NKAIN2: variants seen among roughly 807,000 people sequenced by gnomAD.
NKAIN2 encodes the protein sodium/potassium transporting ATPase interacting 2.
NKAIN2 carries 14 observed loss-of-function variants against 32.6 expected under a neutral mutation model. The ratio of observed to expected loss-of-function variants is 0.43; its 90% confidence interval spans 0.28 to 0.67. The LOEUF is 0.67. Among genes scored for constraint, NKAIN2 ranks in the 30% least tolerant of loss-of-function variants. NKAIN2 has a pLI of 0.17. For synonymous variants in NKAIN2, 80 were observed against 87.2 expected (o/e 0.92, Z 0.46); for missense variants, 198 against 258.3 (o/e 0.77, Z 1.60).
Position 124,200,725 on chromosome 6 carries a change from T to G in NKAIN2, c.55-82280T>G, listed in dbSNP as rs376930825. ...CCAATTATTTGAGTGCACTGTACTT[T>G]GAAGTTCATAATCATTACCTTCTTT... On this transcript the variant is annotated intron_variant, in intron 1 of 6. Coordinates refer to ENST00000368417, the MANE Select transcript of NKAIN2 (RefSeq NM_001040214.3). Among the ~76,000 whole-genome samples the G allele has an allele frequency of 9.9e-5, 15 of 152,240 alleles. 1 individual carries two copies. In the South Asian group the frequency reaches 2.7e-3, roughly 27 times the overall value.
intron 3 of NKAIN2, among the ~76,000 whole-genome samples, chr6:124,399,597 T>G (rs1029654994): frequency 1.3e-5 from 2 of 152,046 alleles, no homozygotes; most frequent in Non-Finnish European, 1.5e-5. Context: ...TGGCGGTGAG[T>G]CAGGCAGGCA....
At chr6:124,377,163 ATT>A (rs1389565040) in intron 3 of NKAIN2, among the ~76,000 whole-genome samples, 3 of 152,232 alleles carry the variant, frequency 2.0e-5, no homozygotes, top group Non-Finnish European at 4.4e-5. Flanking sequence ...ATATCAGTGC[ATT>A]CTTTGACATT....
intron 4 of NKAIN2, among the ~76,000 whole-genome samples, chr6:124,679,137 G>A (rs1404251195): frequency 2.0e-5 from 3 of 151,906 alleles, no homozygotes; most frequent in African/African-American, 7.3e-5. Flanking sequence ...CCAGTCCCTG[G>A]ACAGCCCACC....
At chr6:124,408,138 C>T (rs868740309) in intron 3 of NKAIN2, among the ~76,000 whole-genome samples, 69 of 152,048 alleles carry the variant, frequency 4.5e-4, no homozygotes, top group African/African-American at 6.8e-4. Context: ...TTCTCCCATT[C>T]TGTAGGTTGC....
At chr6:124,480,320 T>G (rs759475495) in intron 3 of NKAIN2, among the ~76,000 whole-genome samples, 2 of 152,178 alleles carry the variant, frequency 1.3e-5, no homozygotes, top group Admixed American at 1.3e-4. Context: ...GTGAAAAAAC[T>G]CTGAAGAAAT....
chr6:124,730,523 C>T (rs1206390018), intron 4 of NKAIN2, among the ~76,000 whole-genome samples: 1 of 124,474 alleles, frequency 8.0e-6, no homozygotes, highest in Non-Finnish European at 1.7e-5. Context: ...AAAGCTGAAA[C>T]TGGATCCCTT....
Position 124,586,128 on chromosome 6 carries a change from A to G in NKAIN2, c.274-72058A>G, listed in dbSNP as rs73571421. ...ATCTCTTTGTCAAATTCCTTCTTCC[A>G]TCATAGCCCCTGGAAACTATGGATC... On this transcript the variant is annotated intron_variant, in intron 3 of 6. Coordinates refer to ENST00000368417, the MANE Select transcript of NKAIN2 (RefSeq NM_001040214.3). Among the ~76,000 whole-genome samples the G allele has an allele frequency of 6.2e-3, 946 of 152,298 alleles. 10 individuals carry two copies. Among genetic ancestry groups the G allele is most frequent in the African/African-American group, 0.022 (900 of 41,546 alleles).
intron 4 of NKAIN2, among the ~76,000 whole-genome samples, chr6:124,668,026 G>A (rs898827850): frequency 6.6e-6 from 1 of 152,040 alleles, no homozygotes; most frequent in East Asian, 1.9e-4. Context: ...TCATGGCACT[G>A]TGGCTGCTTC....
chr6:124,712,207 A>G (rs1583699281), intron 4 of NKAIN2, among the ~76,000 whole-genome samples: 2 of 150,044 alleles, frequency 1.3e-5, no homozygotes, highest in African/African-American at 4.9e-5. Context: ...TGGGAGAACC[A>G]CTGCTCTCTT....
chr6:124,237,421 A>G (rs1437805024), intron 1 of NKAIN2, among the ~76,000 whole-genome samples: 1 of 152,160 alleles, frequency 6.6e-6, no homozygotes, highest in Non-Finnish European at 1.5e-5. Context: ...GAATTTATCA[A>G]GAAATGAGTG....
chr6:124,343,786 G>T (rs1258996087), intron 2 of NKAIN2, among the ~76,000 whole-genome samples: 1 of 149,464 alleles, frequency 6.7e-6, no homozygotes, highest in African/African-American at 2.4e-5. Context: ...TAGGTTGCCT[G>T]TTCACTCTGA....
At chr6:124,026,071 C>A (rs1398338808) in intron 1 of NKAIN2, among the ~76,000 whole-genome samples, 1 of 152,148 alleles carries the variant, frequency 6.6e-6, no homozygotes, top group East Asian at 1.9e-4. Flanking sequence ...TGTTTATTAC[C>A]ATTAGATCCC....
At chr6:124,305,439 G>GATATA (rs1431583382) in intron 2 of NKAIN2, among the ~76,000 whole-genome samples, 1 of 152,182 alleles carries the variant, frequency 6.6e-6, no homozygotes, top group African/African-American at 2.4e-5. Flanking sequence ...GTTTGAAAAG[G>GATATA]ATATATGTTG....
chr6:124,177,609 A>G (rs559860832), intron 1 of NKAIN2, among the ~76,000 whole-genome samples: 6 of 152,156 alleles, frequency 3.9e-5, no homozygotes, highest in Non-Finnish European at 7.4e-5. Flanking sequence ...TTTTACGTAC[A>G]TTGTTATGGT....
At chr6:124,263,014 T>C (rs1794320956) in intron 1 of NKAIN2, among the ~76,000 whole-genome samples, 2 of 152,194 alleles carry the variant, frequency 1.3e-5, no homozygotes, top group African/African-American at 4.8e-5. Context: ...ATAAAGTTCA[T>C]GACAAATAGT....
At chr6:124,074,408 G>A (rs145000718) in intron 1 of NKAIN2, among the ~76,000 whole-genome samples, 185 of 152,232 alleles carry the variant, frequency 1.2e-3, no homozygotes, top group African/African-American at 4.1e-3. Context: ...CAAAATCCAC[G>A]TTCTCAGATA....
intron 1 of NKAIN2, among the ~76,000 whole-genome samples, chr6:124,278,283 T>A (rs115882138): frequency 0.013 from 2,054 of 152,160 alleles, 39 homozygotes; most frequent in African/African-American, 0.046. Context: ...TATGAAGAGG[T>A]AAAGCTTAGT....
chr6:123,938,451 T>TAC lies in NKAIN2; in HGVS notation c.54+134212_54+134213dup, dbSNP rs1359472284. On this transcript the variant is annotated intron_variant, in intron 1 of 6. Coordinates refer to ENST00000368417, the MANE Select transcript of NKAIN2 (RefSeq NM_001040214.3). ...ATATATATATATATATATATATATA[T>TAC]ACACACACACACACACGCATATTAT... 5.8e-3 allele frequency among the ~76,000 whole-genome samples: 472 copies of TAC among 81,142 alleles called. 4 individuals are homozygous for TAC. Among genetic ancestry groups the TAC allele is most frequent in the African/African-American group, 0.012 (170 of 14,426 alleles). 53.2% of individuals were successfully genotyped at this position (81,142 alleles called of 152,430 possible).
chr6:124,794,818 A>G (rs1437981510), intron 5 of NKAIN2: 2 of 891,742 alleles, frequency 2.2e-6, no homozygotes, highest in Non-Finnish European at 2.7e-6. Flanking sequence ...TCTGTATGTA[A>G]TCACTTTCCT....
Sources: allele counts gnomAD v4.1 joint callset (sites outside exome capture counted in the v4.1 genomes callset), GRCh38; gene constraint gnomAD v4.1.1; transcripts MANE v1.5; gene names NCBI Gene and HGNC (gene_info 2026-07-23, HGNC 2026-07-21).